The following RIMS1 variants were observed in gnomAD, a reference collection of about 807,000 sequenced individuals.
The protein encoded by RIMS1 is regulating synaptic membrane exocytosis 1.
In RIMS1, 83 loss-of-function variants were observed where a neutral mutation model predicts 214.1. The ratio of observed to expected loss-of-function variants is 0.39; its 90% CI spans 0.32 to 0.47. The LOEUF (loss-of-function observed/expected upper bound fraction) is 0.47, where lower values mean the gene tolerates loss of function less well. Among genes scored for constraint, RIMS1 ranks in the 20% least tolerant of loss-of-function variants. RIMS1 has a pLI of 0.99. For synonymous variants in RIMS1, 793 were observed against 786.8 expected (o/e 1.01, Z -0.13); for missense variants, 2,050 against 2,161.8 (o/e 0.95, Z 1.03).
Position 72,197,694 on chromosome 6 carries a change from T to A in RIMS1, c.1678+14545T>A, listed in dbSNP as rs1588967119. Among the ~76,000 whole-genome samples, 3 of 152,002 alleles carry A rather than the reference T, an allele frequency of 2.0e-5. No homozygotes were observed. In the East Asian group the frequency reaches 5.8e-4, roughly 29 times the overall value. On this transcript the variant is annotated intron_variant, in intron 6 of 33. Transcript: ENST00000521978. Reference sequence around the variant, plus strand: ...TACAGGTATGGTATCTGGGCAATTCTCCAAGCCAGGAAATAAAATAACCTG... The same window carrying A: ...TACAGGTATGGTATCTGGGCAATTCACCAAGCCAGGAAATAAAATAACCTG...
At chr6:71,963,071 A>G (rs898103781) in intron 1 of RIMS1, among the ~76,000 whole-genome samples, 2 of 152,202 alleles carry the variant, frequency 1.3e-5, no homozygotes, top group African/African-American at 4.8e-5. Flanking sequence ...TGATTTGAAT[A>G]CTTTCATCAA....
intron 16 of RIMS1, among the ~76,000 whole-genome samples, chr6:72,253,225 C>T (rs2074264484): frequency 1.3e-5 from 2 of 152,074 alleles, no homozygotes; most frequent in African/African-American, 4.8e-5. Context: ...TGTAGCCCTC[C>T]ATGGAATATA....
intron 19 of RIMS1, 65 bp from the exon 20 acceptor site, chr6:72,264,910 T>A: frequency 9.9e-7 from 1 of 1,011,260 alleles, no homozygotes; most frequent in Non-Finnish European, 1.5e-6. Flanking sequence ...TTTCTGAATA[T>A]CTTAATAAAA....
At chr6:72,171,694 C>T (rs972739334) in intron 4 of RIMS1, among the ~76,000 whole-genome samples, 4 of 152,138 alleles carry the variant, frequency 2.6e-5, no homozygotes, top group Admixed American at 1.3e-4. Context: ...GACAGATGGA[C>T]GTGAGATGAG....
intron 2 of RIMS1, among the ~76,000 whole-genome samples, chr6:72,024,825 A>G (rs568800216): frequency 1.3e-5 from 2 of 151,770 alleles, no homozygotes; most frequent in Non-Finnish European, 2.9e-5. Flanking sequence ...TGACTTGTCC[A>G]ATGTCACATA....
chr6:72,396,572 G>C lies in RIMS1; in HGVS notation c.4619-1677G>C, dbSNP rs564366716. Among the ~76,000 whole-genome samples, 4 of 152,274 alleles carry C rather than the reference G, an allele frequency of 2.6e-5. No homozygotes were observed. The South Asian group carries it at 8.3e-4, about 32-fold the overall frequency. Reference sequence around the variant, plus strand: ...AGGAAAACCAAGACCCCTAATTGGAGAGTAGATAAATAAATATGACATTCA... The same window carrying C: ...AGGAAAACCAAGACCCCTAATTGGACAGTAGATAAATAAATATGACATTCA... On this transcript the variant is annotated intron_variant, in intron 31 of 33. Coordinates refer to ENST00000521978, the MANE Select transcript of RIMS1 (RefSeq NM_014989.7).
At chr6:72,264,909 A>C in intron 19 of RIMS1, 66 bp from the exon 20 acceptor site, 1 of 997,622 alleles carries the variant, frequency 1.0e-6, no homozygotes, top group Non-Finnish European at 1.5e-6. Flanking sequence ...CTTTCTGAAT[A>C]TCTTAATAAA....
At chr6:72,213,764 C>CT (rs1589224341) in intron 6 of RIMS1, among the ~76,000 whole-genome samples, 1 of 152,054 alleles carries the variant, frequency 6.6e-6, no homozygotes, top group Admixed American at 6.6e-5. Flanking sequence ...AGGCCTTGAC[C>CT]TAAACTACAA....
chr6:72,282,325 A>G (rs2090505543), intron 23 of RIMS1, among the ~76,000 whole-genome samples: 1 of 152,100 alleles, frequency 6.6e-6, no homozygotes, highest in Non-Finnish European at 1.5e-5. Flanking sequence ...TTCAGGAACA[A>G]GATTCCATTC....
chr6:72,211,606 T>C (rs1402748612), intron 6 of RIMS1, among the ~76,000 whole-genome samples: 1 of 152,140 alleles, frequency 6.6e-6, no homozygotes, highest in South Asian at 2.1e-4. Flanking sequence ...TGGTGGTGTA[T>C]GGAACTTAGA....
intron 6 of RIMS1, among the ~76,000 whole-genome samples, chr6:72,187,079 T>C (rs530407841): frequency 1.3e-5 from 2 of 151,962 alleles, no homozygotes; most frequent in Non-Finnish European, 2.9e-5. Context: ...TGAGCCGAGA[T>C]TGTGCCACTG....
rs200655727 is a variant in RIMS1 at position 72,093,228 on chromosome 6, A to ATATATATATATATAT, written c.246-3721_246-3720insTATATATATATATAT. ...TATGTGAGTATATATATATATATAT[A>ATATATATATATATAT]AAAACATGTGTGTATATATGTATAT... On this transcript the variant is annotated intron_variant, in intron 2 of 33. Transcript: ENST00000521978. 1.0e-3 allele frequency among the ~76,000 whole-genome samples: 143 copies of ATATATATATATATAT among 137,028 alleles called. 1 individual carries two copies. Among genetic ancestry groups the ATATATATATATATAT allele is most frequent in the African/African-American group, 2.8e-3 (112 of 39,694 alleles). 89.9% of individuals were successfully genotyped at this position (137,028 alleles called of 152,430 possible).
intron 29 of RIMS1, among the ~76,000 whole-genome samples, chr6:72,373,598 C>G (rs1398920435): frequency 2.0e-5 from 3 of 152,164 alleles, no homozygotes; most frequent in Non-Finnish European, 4.4e-5. Flanking sequence ...CTAAGGATGT[C>G]AAATTAAATT....
At chr6:72,217,544 C>T (rs140408198) in intron 6 of RIMS1, among the ~76,000 whole-genome samples, 19 of 152,278 alleles carry the variant, frequency 1.2e-4, no homozygotes, top group African/African-American at 3.1e-4. Context: ...CAGAAAGATA[C>T]ATTTTTCTTC....
At chr6:71,894,029 A>G (rs1770825089) in intron 1 of RIMS1, among the ~76,000 whole-genome samples, 2 of 152,234 alleles carry the variant, frequency 1.3e-5, no homozygotes, top group Admixed American at 1.3e-4. Context: ...CTTCATTTAT[A>G]ACTTCAGAAA....
intron 29 of RIMS1, among the ~76,000 whole-genome samples, chr6:72,356,365 G>A (rs2097645319): frequency 6.6e-6 from 1 of 151,930 alleles, no homozygotes; most frequent in Admixed American, 6.6e-5. Flanking sequence ...GGCCTCTAAT[G>A]GCAAAGGGAA....
At chr6:71,992,400 C>CTTTCTT (rs1554175112) in intron 2 of RIMS1, among the ~76,000 whole-genome samples, 3 of 87,794 alleles carry the variant, frequency 3.4e-5, no homozygotes, top group Non-Finnish European at 7.2e-5. Flanking sequence ...TTCTTTCTCT[C>CTTTCTT]TCTCTCTTTC....
chr6:72,220,055 G>A (rs1216275604), intron 6 of RIMS1, among the ~76,000 whole-genome samples: 1 of 152,030 alleles, frequency 6.6e-6, no homozygotes, highest in African/African-American at 2.4e-5. Context: ...TTTGAGGTGA[G>A]TTCCCTTGCT....
At chr6:72,329,257 A>C (rs1306892302) in intron 28 of RIMS1, among the ~76,000 whole-genome samples, 1 of 151,764 alleles carries the variant, frequency 6.6e-6, no homozygotes, top group African/African-American at 2.4e-5. Flanking sequence ...ATCAGAACAT[A>C]ATTCTCCAAA....
Sources: gnomAD v4.1 joint callset for allele counts (sites outside exome capture counted in the v4.1 genomes callset) on GRCh38, gnomAD v4.1.1 for gene constraint, MANE v1.5 for transcripts, NCBI Gene and HGNC (gene_info 2026-07-23, HGNC 2026-07-21) for gene names.